GRM7: variants seen among roughly 807,000 people sequenced by gnomAD.
GRM7 encodes the protein metabotropic glutamate receptor 7.
Under a neutral mutation model 84.5 loss-of-function variants are expected in GRM7, and 35 were observed. The ratio of observed to expected loss-of-function variants is 0.41; its 90% CI spans 0.32 to 0.55. GRM7 has a LOEUF of 0.55. GRM7 is among the 20% of genes least tolerant of loss of function. The probability of loss-of-function intolerance (pLI) is 0.19; values close to 1 mark genes in which losing one functional copy is unlikely to be tolerated. For synonymous variants in GRM7, 487 were observed against 455.1 expected (o/e 1.07, Z -0.89); for missense variants, 1,003 against 1,194.6 (o/e 0.84, Z 2.36).
intron 1 of GRM7, among the ~76,000 whole-genome samples, chr3:7,029,507 T>C (rs1374992144): frequency 6.6e-6 from 1 of 152,120 alleles, no homozygotes; most frequent in Admixed American, 6.5e-5. Flanking sequence ...GTCTATGCAA[T>C]GAAATATTCT....
chr3:7,066,910 A>AAAAAC (rs1697686849), intron 1 of GRM7, among the ~76,000 whole-genome samples: 1 of 152,044 alleles, frequency 6.6e-6, no homozygotes, highest in Non-Finnish European at 1.5e-5. Flanking sequence ...AAACAGATTT[A>AAAAAC]AAAACAAAAA....
At chr3:7,101,880 C>A (rs1469007731) in intron 1 of GRM7, among the ~76,000 whole-genome samples, 1 of 150,114 alleles carries the variant, frequency 6.7e-6, no homozygotes, top group Non-Finnish European at 1.5e-5. Context: ...CCAAAGATGA[C>A]AATTGGCATC....
intron 7 of GRM7, among the ~76,000 whole-genome samples, chr3:7,494,427 A>G (rs1393868025): frequency 2.0e-5 from 3 of 152,164 alleles, no homozygotes; most frequent in Admixed American, 6.5e-5. Context: ...ATTGTGGTAT[A>G]TCTTCACATG....
chr3:7,322,636 A>G (rs1160972052), intron 4 of GRM7, among the ~76,000 whole-genome samples: 2 of 150,696 alleles, frequency 1.3e-5, no homozygotes, highest in East Asian at 3.9e-4. Flanking sequence ...GCTCTCACTT[A>G]TAAGTGAGAA....
At chr3:7,733,520 G>A (rs1292652061) in intron 9 of GRM7, among the ~76,000 whole-genome samples, 1 of 152,142 alleles carries the variant, frequency 6.6e-6, no homozygotes, top group African/African-American at 2.4e-5. Flanking sequence ...AACACTTGTG[G>A]GGTGGGTCAG....
At chr3:6,986,401 G>A (rs1694412813) in intron 1 of GRM7, among the ~76,000 whole-genome samples, 1 of 144,284 alleles carries the variant, frequency 6.9e-6, no homozygotes, top group African/African-American at 2.7e-5. Context: ...AAATGAAAAT[G>A]AAAAATAATG....
intron 8 of GRM7, among the ~76,000 whole-genome samples, chr3:7,615,809 C>T (rs1697053122): frequency 1.3e-5 from 2 of 152,036 alleles, no homozygotes; most frequent in Admixed American, 1.3e-4. Flanking sequence ...TACCTTTTCC[C>T]TGTAATTCTT....
intron 1 of GRM7, among the ~76,000 whole-genome samples, chr3:7,069,410 C>T (rs958925389): frequency 6.6e-6 from 1 of 152,066 alleles, no homozygotes; most frequent in African/African-American, 2.4e-5. Context: ...GTCCTTTCTT[C>T]TTTTTCTCTG....
In GRM7 at chr3:7,261,197, A is replaced by G. The variant is rs569304502; in HGVS notation, c.737-37487A>G. Reference sequence around the variant, plus strand: ...CAGGTCACAGGGCCACAAAGACTGCAACATAGTTACCTAGGGTCTCCTGGA... The same window carrying G: ...CAGGTCACAGGGCCACAAAGACTGCGACATAGTTACCTAGGGTCTCCTGGA... On this transcript the variant is annotated intron_variant, in intron 2 of 9. Coordinates refer to ENST00000357716, the MANE Select transcript of GRM7 (RefSeq NM_000844.4). Among the ~76,000 whole-genome samples the G allele has an allele frequency of 4.6e-5, 7 of 152,282 alleles. No homozygotes were observed. The East Asian group carries it at 1.4e-3, about 29-fold the overall frequency.
chr3:7,114,319 A>C (rs1347947199), intron 1 of GRM7, among the ~76,000 whole-genome samples: 1 of 152,178 alleles, frequency 6.6e-6, no homozygotes, highest in Non-Finnish European at 1.5e-5. Context: ...CAGTCCCTTC[A>C]CATACCTTAC....
chr3:7,176,219 C>A, intron 2 of GRM7, among the ~76,000 whole-genome samples: 1 of 110,382 alleles, frequency 9.1e-6, no homozygotes, highest in Non-Finnish European at 1.7e-5. Flanking sequence ...GACCTCATCT[C>A]TATAAAAAGT....
At chr3:6,879,263 C>A (rs1695422658) in intron 1 of GRM7, among the ~76,000 whole-genome samples, 1 of 152,114 alleles carries the variant, frequency 6.6e-6, no homozygotes, top group Non-Finnish European at 1.5e-5. Context: ...AGCCCACACA[C>A]TTTTATACTT....
At chr3:7,378,674 T>G (rs916494363) in intron 4 of GRM7, among the ~76,000 whole-genome samples, 4 of 152,126 alleles carry the variant, frequency 2.6e-5, no homozygotes, top group Non-Finnish European at 5.9e-5. Flanking sequence ...AATATTGTAT[T>G]AACTAACATT....
chr3:7,608,004 T>A (rs1235957585), intron 8 of GRM7: 5 of 310,824 alleles, frequency 1.6e-5, no homozygotes, highest in South Asian at 1.3e-4. Context: ...TGTTTCAGCA[T>A]CAGTTTGCTA....
intron 8 of GRM7, among the ~76,000 whole-genome samples, chr3:7,629,456 C>T (rs1001065762): frequency 2.0e-5 from 3 of 152,132 alleles, no homozygotes; most frequent in Non-Finnish European, 2.9e-5. Context: ...CATGACCTTT[C>T]CCCAGTGCAG....
rs867006244 is a variant in GRM7, at chr3:7,151,526, C to T, written c.736+4858C>T. ...CTCCTTCACAGATACAATGTTCTAT[C>T]TTGTGGTGTGCATTGCCCATTGTTA... On this transcript the variant is annotated intron_variant, in intron 2 of 9. Transcript: ENST00000357716. This position sits in a 1 kb window ranked among gnomAD's most constrained non-coding sequence, Gnocchi z 4.5. Among the ~76,000 whole-genome samples the T allele has an allele frequency of 2.6e-5, 4 of 152,274 alleles. No homozygotes were observed. The highest frequency in any genetic ancestry group is 3.4e-3 in the Middle Eastern group (1 of 294).
chr3:7,572,872 ATATATATAAATAATCTTTCTACC>A (rs1694768144), intron 7 of GRM7, among the ~76,000 whole-genome samples: 1 of 80,516 alleles, frequency 1.2e-5, no homozygotes, highest in African/African-American at 4.6e-5. Flanking sequence ...ATATATATAT[ATATATATAAATAATCTTTCTACC>A]TATAATAATT....
intron 9 of GRM7, among the ~76,000 whole-genome samples, chr3:7,706,929 C>A (rs1356623084): frequency 1.3e-5 from 2 of 152,096 alleles, no homozygotes; most frequent in Admixed American, 1.3e-4. Context: ...AGATCGTCTC[C>A]AAGGAGCCAG....
intron 7 of GRM7, among the ~76,000 whole-genome samples, chr3:7,571,735 C>T (rs908280267): frequency 4.6e-5 from 7 of 152,126 alleles, no homozygotes; most frequent in Admixed American, 2.6e-4. Context: ...CAGCAGTGCC[C>T]CTCTCTACTG....
Sources: allele counts gnomAD v4.1 joint callset (sites outside exome capture counted in the v4.1 genomes callset), GRCh38; gene constraint gnomAD v4.1.1; non-coding constraint Gnocchi (gnomAD v3.1); transcripts MANE v1.5; gene names NCBI Gene and HGNC (gene_info 2026-07-23, HGNC 2026-07-21).